The following MTUS1 variants were observed in gnomAD, a reference collection of about 807,000 sequenced individuals.
The protein encoded by MTUS1 is microtubule associated scaffold protein 1, also known as microtubule-associated tumor suppressor 1.
MTUS1 carries 109 observed loss-of-function variants against 120.8 expected under a neutral mutation model. The observed-to-expected ratio is 0.90, with a 90% CI of 0.77 to 1.06. The LOEUF (loss-of-function observed/expected upper bound fraction) is 1.06, where lower values mean the gene tolerates loss of function less well. Ranked by LOEUF, MTUS1 falls within the 50% of genes least tolerant of loss-of-function variation. The pLI, the probability that MTUS1 is intolerant of heterozygous loss-of-function variation, is 0.00. For missense variants in MTUS1, 2,210 were observed against 1,486.3 expected (o/e 1.49, Z -8.01); for synonymous variants, 737 against 550.5 (o/e 1.34, Z -4.74).
In MTUS1 at chr8:17,670,771, C is replaced by T. The variant is rs548330898; in HGVS notation, c.2905+4415G>A. ...CCGGAAGGCAGAGGTCACAGTGAGCCGAGATAGTGCCAGTGCACTCCAGCC... is the reference window on the plus strand; with the variant it reads ...CCGGAAGGCAGAGGTCACAGTGAGCTGAGATAGTGCCAGTGCACTCCAGCC... On this transcript the variant is annotated intron_variant, in intron 8 of 14. Coordinates refer to ENST00000693296, the MANE Select transcript of MTUS1 (RefSeq NM_001363059.2). Among the ~76,000 whole-genome samples, 12 of 151,790 alleles carry T rather than the reference C, an allele frequency of 7.9e-5. No individual in the cohort carries two copies. In the South Asian group the frequency reaches 8.3e-4, roughly 11 times the overall value.
intron 6 of MTUS1, chr8:17,705,797 A>G (rs1820039780): frequency 6.6e-6 from 1 of 152,234 alleles, no homozygotes. Context: ...TGCATTTTCT[A>G]CCTTCCAAGG....
chr8:17,670,925 T>A (rs999319097), intron 8 of MTUS1, among the ~76,000 whole-genome samples: 1 of 152,124 alleles, frequency 6.6e-6, no homozygotes, highest in Non-Finnish European at 1.5e-5. Flanking sequence ...TCCATTTAAA[T>A]GAGAATCTAG....
chr8:17,647,175 T>C, intron 13 of MTUS1, 96 bp from the exon 14 acceptor site: 1 of 898,566 alleles, frequency 1.1e-6, no homozygotes, highest in Non-Finnish European at 1.7e-6. Context: ...CTTTGGAGAT[T>C]TAATTAAGGA....
At chr8:17,749,468 G>A (rs1314362235) in intron 2 of MTUS1, among the ~76,000 whole-genome samples, 1 of 151,854 alleles carries the variant, frequency 6.6e-6, no homozygotes, top group African/African-American at 2.4e-5. Flanking sequence ...AGACCGGCCT[G>A]GCCAACATGA....
rs1805584172 is a variant in MTUS1, at chr8:17,645,420, C to CTA, written c.*505_*506insTA. 6.4e-6 allele frequency: 1 copy of CTA among 155,146 alleles called. No individual in the cohort carries two copies. The highest frequency in any genetic ancestry group is 2.4e-5 in the African/African-American group (1 of 41,440). 9.6% of individuals were successfully genotyped at this position (155,146 alleles called of 1,614,324 possible). A position where few individuals can be genotyped will look rare whatever the true frequency, so the allele number is the denominator to read the frequency against. On this transcript the variant is annotated 3_prime_UTR_variant, in exon 15 of 15. Transcript: ENST00000693296. Reference sequence around the variant, plus strand: ...TTGATTGATTATTATTTGATTAGTACATATCCAGATATATTCAGATTTTGA... The same window carrying CTA: ...TTGATTGATTATTATTTGATTAGTACTAATATCCAGATATATTCAGATTTTGA...
At chr8:17,650,684 G>A (rs1806791549) in intron 12 of MTUS1, among the ~76,000 whole-genome samples, 1 of 152,208 alleles carries the variant, frequency 6.6e-6, no homozygotes, top group African/African-American at 2.4e-5. Context: ...ATTCTAACCT[G>A]GTGGCAGAAC....
intron 1 of MTUS1, among the ~76,000 whole-genome samples, chr8:17,792,057 G>C (rs1173284933): frequency 2.0e-5 from 3 of 152,148 alleles, no homozygotes; most frequent in African/African-American, 7.2e-5. Context: ...AATTTTGCCT[G>C]TTAAGTCTGT....
At chr8:17,697,362 T>G in intron 6 of MTUS1, 2 of 1,614,128 alleles carry the variant, frequency 1.2e-6, no homozygotes, top group South Asian at 2.2e-5. Flanking sequence ...AAGGAGAATT[T>G]GGGAGACAAC....
At chr8:17,770,471 G>A (rs905143483) in intron 1 of MTUS1, 7 of 152,142 alleles carry the variant, frequency 4.6e-5, no homozygotes, top group South Asian at 2.1e-4. Flanking sequence ...ATCAACTTAA[G>A]CAAGAGATGT....
chr8:17,715,937 G>C (rs368972467), intron 4 of MTUS1, 36 bp from the exon 5 acceptor site: 5 of 1,586,968 alleles, frequency 3.2e-6, no homozygotes, highest in East Asian at 2.2e-5. Context: ...TTATTGTATA[G>C]ATAAACACAG....
chr8:17,657,966 CATGCAT>C (rs1327870409), intron 8 of MTUS1, among the ~76,000 whole-genome samples: 1 of 150,094 alleles, frequency 6.7e-6, no homozygotes, highest in East Asian at 2.0e-4. Flanking sequence ...TGCATATATA[CATGCAT>C]ATACATATAC....
chr8:17,776,468 G>C (rs2050440187), intron 1 of MTUS1, among the ~76,000 whole-genome samples: 1 of 151,902 alleles, frequency 6.6e-6, no homozygotes, highest in Admixed American at 6.6e-5. Context: ...GATCACCTGA[G>C]CTCAGGAGTT....
chr8:17,800,708 C>T (rs1250309447), intron 1 of MTUS1: 1 of 152,240 alleles, frequency 6.6e-6, no homozygotes, highest in African/African-American at 2.4e-5. Context: ...ATTCCACCCG[C>T]TTTCTCGGCC....
At chr8:17,679,152 G>C (rs997640958) in intron 7 of MTUS1, among the ~76,000 whole-genome samples, 5 of 151,570 alleles carry the variant, frequency 3.3e-5, no homozygotes, top group African/African-American at 1.2e-4. Context: ...CATAATCGAA[G>C]GCTCTAAAGC....
At chr8:17,724,973 C>G (rs1053468931) in intron 3 of MTUS1, among the ~76,000 whole-genome samples, 1 of 152,112 alleles carries the variant, frequency 6.6e-6, no homozygotes, top group African/African-American at 2.4e-5. Context: ...CCAGGCTGGT[C>G]TCAAACTTCT....
At chr8:17,677,530 A>T (rs12680944) in intron 7 of MTUS1, among the ~76,000 whole-genome samples, 81,986 of 151,966 alleles carry the variant, frequency 0.54, 23,741 homozygotes, top group Middle Eastern at 0.69. Flanking sequence ...CTGCAAAGAA[A>T]AATTGTGTGA....
intron 8 of MTUS1, among the ~76,000 whole-genome samples, chr8:17,662,635 T>A (rs1810004647): frequency 6.6e-6 from 1 of 152,082 alleles, no homozygotes; most frequent in African/African-American, 2.4e-5. Context: ...ATTACAGGTG[T>A]GAGCCACTGT....
At chr8:17,795,377 C>T (rs1178667834) in intron 1 of MTUS1, among the ~76,000 whole-genome samples, 5 of 152,124 alleles carry the variant, frequency 3.3e-5, no homozygotes, top group Non-Finnish European at 7.4e-5. Context: ...AATTTAAATA[C>T]TAATTTTCTT....
intron 1 of MTUS1, among the ~76,000 whole-genome samples, chr8:17,765,314 C>G (rs573010507): frequency 6.6e-6 from 1 of 152,150 alleles, no homozygotes; most frequent in Non-Finnish European, 1.5e-5. Context: ...AATTGGGGAA[C>G]CTTGCCGTGA....
Sources: gnomAD v4.1 joint callset for allele counts (sites outside exome capture counted in the v4.1 genomes callset) on GRCh38, gnomAD v4.1.1 for gene constraint, MANE v1.5 for transcripts, NCBI Gene and HGNC (gene_info 2026-07-23, HGNC 2026-07-21) for gene names.